Variants in GBE1 observed in about 807,000 individuals in gnomAD.
The protein encoded by GBE1 is 1,4-alpha-glucan-branching enzyme.
A neutral mutation model predicts 88.8 loss-of-function variants in GBE1; 70 were observed. The ratio of observed to expected loss-of-function variants is 0.79; its 90% CI spans 0.65 to 0.96. The LOEUF (loss-of-function observed/expected upper bound fraction) is 0.96, where lower values mean the gene tolerates loss of function less well. GBE1 is among the 40% of genes least tolerant of loss of function. The pLI, the probability that GBE1 is intolerant of heterozygous loss-of-function variation, is 0.00. For synonymous variants in GBE1, 284 were observed against 300.1 expected (o/e 0.95, Z 0.56); for missense variants, 872 against 871.0 (o/e 1.00, Z -0.01).
chr3:81,525,485 A>T (rs931493323), intron 14 of GBE1, among the ~76,000 whole-genome samples: 4 of 151,960 alleles, frequency 2.6e-5, no homozygotes, highest in African/African-American at 9.7e-5. Context: ...TATTGGTCTA[A>T]AATTCTCTTT....
intron 1 of GBE1, among the ~76,000 whole-genome samples, chr3:81,706,772 T>TATATG (rs1277096155): frequency 6.6e-6 from 1 of 152,026 alleles, no homozygotes; most frequent in African/African-American, 2.4e-5. Flanking sequence ...GCTGAAAGAT[T>TATATG]ATATGACAAC....
At chr3:81,640,688 ACC>A (rs1306956586) in intron 7 of GBE1, among the ~76,000 whole-genome samples, 3 of 151,950 alleles carry the variant, frequency 2.0e-5, no homozygotes, top group Non-Finnish European at 4.4e-5. Context: ...AATAGTATAA[ACC>A]TATATAGAAA....
chr3:81,670,236 C>A (rs377506663), intron 3 of GBE1, among the ~76,000 whole-genome samples: 1 of 152,192 alleles, frequency 6.6e-6, no homozygotes, highest in East Asian at 1.9e-4. Flanking sequence ...ACCTTGAATG[C>A]AAAACCACAT....
chr3:81,610,579 ACAAGGTTTGAATATGGCC>A (rs898074958), intron 7 of GBE1, among the ~76,000 whole-genome samples: 6 of 152,134 alleles, frequency 3.9e-5, no homozygotes, highest in African/African-American at 1.4e-4. Context: ...CTTTTGAGAG[ACAAGGTTTGAATATGGCC>A]CAGGAACTTC....
rs1316205150 is a variant in GBE1 at position 81,490,468 on chromosome 3, G to A, written c.2053-5C>T. ...CACTCTGCTTGGAATGTACACCTAC[G>A]TCAAAACAATTATGTCAGTGCAATT... On this transcript the variant is annotated splice_region_variant and splice_polypyrimidine_tract_variant and intron_variant, in intron 15 of 15. Transcript: ENST00000429644. The A allele has an allele frequency of 6.2e-7, 1 of 1,610,748 alleles. No individual in the cohort carries two copies. The highest frequency in any genetic ancestry group is 8.5e-7 in the Non-Finnish European group (1 of 1,177,508).
chr3:81,614,840 G>A (rs1023533105), intron 7 of GBE1, among the ~76,000 whole-genome samples: 3 of 151,950 alleles, frequency 2.0e-5, no homozygotes, highest in African/African-American at 7.3e-5. Context: ...CAGCCTGGGA[G>A]ACAGAGTGAC....
At chr3:81,646,594 G>A in intron 5 of GBE1, 112 bp from the exon 6 acceptor site, 3 of 642,548 alleles carry the variant, frequency 4.7e-6, no homozygotes, top group Non-Finnish European at 8.0e-6. Context: ...CAATCTAGAA[G>A]CTTTGGTCGT....
intron 7 of GBE1, among the ~76,000 whole-genome samples, chr3:81,628,560 C>T (rs550932136): frequency 6.5e-4 from 99 of 151,810 alleles, no homozygotes; most frequent in Non-Finnish European, 9.6e-4. Context: ...TTCATTACTG[C>T]TAACATTGTT....
intron 12 of GBE1, among the ~76,000 whole-genome samples, chr3:81,546,941 G>A (rs9874943): frequency 0.17 from 25,524 of 150,630 alleles, 2,977 homozygotes; most frequent in Non-Finnish European, 0.22. Flanking sequence ...ACATCTTTCC[G>A]GCCACCATGG....
intron 9 of GBE1, among the ~76,000 whole-genome samples, chr3:81,586,539 A>G (rs563640145): frequency 6.6e-6 from 1 of 152,232 alleles, no homozygotes; most frequent in Non-Finnish European, 1.5e-5. Context: ...AAGCACAACA[A>G]TACATGTGGC....
intron 1 of GBE1, among the ~76,000 whole-genome samples, chr3:81,749,310 T>G (rs1706462419): frequency 4.6e-5 from 7 of 151,672 alleles, no homozygotes; most frequent in Admixed American, 4.6e-4. Flanking sequence ...TGGAGAGATC[T>G]CAAGGGAATT....
At chr3:81,528,728 C>A (rs1296168753) in intron 14 of GBE1, among the ~76,000 whole-genome samples, 1 of 151,756 alleles carries the variant, frequency 6.6e-6, no homozygotes, top group African/African-American at 2.4e-5. Flanking sequence ...ATATAATGAC[C>A]TTATTTGTCT....
chr3:81,713,137 G>C (rs546188806), intron 1 of GBE1, among the ~76,000 whole-genome samples: 1 of 152,292 alleles, frequency 6.6e-6, no homozygotes, highest in Non-Finnish European at 1.5e-5. Context: ...CTCATGACAG[G>C]ACAGGCCTGA....
At chr3:81,611,069 T>C (rs372311228) in intron 7 of GBE1, among the ~76,000 whole-genome samples, 40 of 152,108 alleles carry the variant, frequency 2.6e-4, no homozygotes, top group African/African-American at 8.9e-4. Flanking sequence ...AAAAAAAAAT[T>C]GTCACTAAAG....
At chr3:81,660,506 G>C (rs116662511) in intron 3 of GBE1, among the ~76,000 whole-genome samples, 1 of 152,044 alleles carries the variant, frequency 6.6e-6, no homozygotes, top group Admixed American at 6.6e-5. Flanking sequence ...AGTCAATAAA[G>C]CACAGGTCTG....
At chr3:81,715,243 C>G (rs899506210) in intron 1 of GBE1, among the ~76,000 whole-genome samples, 21 of 152,124 alleles carry the variant, frequency 1.4e-4, no homozygotes, top group African/African-American at 4.3e-4. Context: ...AATGCATCAG[C>G]TCAGGTGTCT....
chr3:81,533,488 A>C (rs1172084475), intron 14 of GBE1, among the ~76,000 whole-genome samples: 1 of 152,026 alleles, frequency 6.6e-6, no homozygotes, highest in Admixed American at 6.6e-5. Context: ...GGGTGGGAAG[A>C]AAGTAGGGAA....
intron 7 of GBE1, among the ~76,000 whole-genome samples, chr3:81,638,562 C>T (rs1413462886): frequency 9.9e-5 from 15 of 152,252 alleles, no homozygotes; most frequent in Admixed American, 9.8e-4. Context: ...ACTCCTGAAA[C>T]TTATGGGTGA....
At chr3:81,630,164 C>T (rs779950826) in intron 7 of GBE1, among the ~76,000 whole-genome samples, 6 of 152,012 alleles carry the variant, frequency 3.9e-5, no homozygotes, top group Non-Finnish European at 8.8e-5. Flanking sequence ...GTGAATAGTG[C>T]CACATGCTTC....
Sources: allele counts gnomAD v4.1 joint callset (sites outside exome capture counted in the v4.1 genomes callset), GRCh38; gene constraint gnomAD v4.1.1; transcripts MANE v1.5; gene names NCBI Gene and HGNC (gene_info 2026-07-23, HGNC 2026-07-21).